SLC12A3: variants seen among roughly 807,000 people sequenced by gnomAD.
SLC12A3 encodes solute carrier family 12 member 3.
In SLC12A3, 104 loss-of-function variants were observed where a neutral mutation model predicts 121.0. The observed-to-expected ratio is 0.86, with a 90% CI of 0.73 to 1.01. SLC12A3 has a LOEUF of 1.01. Among genes scored for constraint, SLC12A3 ranks in the 50% least tolerant of loss-of-function variants. The pLI, the probability that SLC12A3 is intolerant of heterozygous loss-of-function variation, is 0.00. For missense variants in SLC12A3, 1,328 were observed against 1,356.3 expected, an observed-to-expected ratio of 0.98 and a Z score of 0.33; for synonymous variants, 536 against 533.4, an observed-to-expected ratio of 1.00 and a Z score of -0.07.
chr16:56,880,295 C>T, intron 12 of SLC12A3, 42 bp downstream of exon 12: 1 of 1,550,392 alleles, frequency 6.4e-7, no homozygotes, highest in Non-Finnish European at 8.7e-7. Flanking sequence ...CCTCCTGTTC[C>T]CCTGGCCGGC....
At chr16:56,878,020 G>GTCCCTCCCCCCCTCTCTCCC in intron 8 of SLC12A3, 57 bp from the exon 9 acceptor site, 1 of 598,946 alleles carries the variant, frequency 1.7e-6, no homozygotes, top group Non-Finnish European at 2.5e-6. Context: ...AATGTCCTCC[G>GTCCCTCCCCCCCTCTCTCCC]TCCCTCCCTC....
chr16:56,873,703 A>ATTTTTT lies in SLC12A3; in HGVS notation c.1095+921_1095+922insTTTTTT, dbSNP rs1311077344. Among the ~76,000 whole-genome samples, 3 of 99,054 alleles carry ATTTTTT rather than the reference A, an allele frequency of 3.0e-5. 1 individual carries two copies. The highest frequency in any genetic ancestry group is 1.1e-4 in the African/African-American group (3 of 28,032). The allele number at this position is 99,054 out of a possible 152,430, so 65.0% of individuals were successfully genotyped here. ...ATGCCTAGCCTCTTTTATTTATTTT[A>ATTTTTT]TTTTATTTTTTTTTTTTTGAGATGA... On this transcript the variant is annotated intron_variant, in intron 8 of 25. Coordinates refer to ENST00000563236, the MANE Select transcript of SLC12A3 (RefSeq NM_001126108.2).
At chr16:56,907,989 T>G (rs975210622) in intron 25 of SLC12A3, among the ~76,000 whole-genome samples, 1 of 152,112 alleles carries the variant, frequency 6.6e-6, no homozygotes, top group Non-Finnish European at 1.5e-5. Context: ...GTGCAAACCC[T>G]TCTTAGCAGA....
At chr16:56,882,372 C>T in intron 12 of SLC12A3, 24 bp from the exon 13 acceptor site, 3 of 1,597,040 alleles carry the variant, frequency 1.9e-6, no homozygotes, top group Non-Finnish European at 2.6e-6. Flanking sequence ...ACAGGCTGTC[C>T]TCTCTCTCCC....
chr16:56,904,295 C>A, intron 24 of SLC12A3, 100 bp from the exon 25 acceptor site: 1 of 1,114,878 alleles, frequency 9.0e-7, no homozygotes, highest in Non-Finnish European at 1.4e-6. Flanking sequence ...ACAAGTAAAT[C>A]ATGAATCCAG....
intron 8 of SLC12A3, among the ~76,000 whole-genome samples, chr16:56,877,650 G>C (rs563170155): frequency 6.6e-6 from 1 of 152,302 alleles, no homozygotes; most frequent in Non-Finnish European, 1.5e-5. Flanking sequence ...CGGGGTGTGA[G>C]AGCACAGCCC....
intron 16 of SLC12A3, 148 bp from the exon 17 acceptor site, chr16:56,886,805 C>T: frequency 1.9e-6 from 2 of 1,052,578 alleles, no homozygotes; most frequent in East Asian, 5.2e-5. Flanking sequence ...CTCCCCCACT[C>T]CTTGTGTTTT....
chr16:56,883,444 C>T (rs1381756592), intron 13 of SLC12A3, among the ~76,000 whole-genome samples: 1 of 151,918 alleles, frequency 6.6e-6, no homozygotes, highest in Non-Finnish European at 1.5e-5. Flanking sequence ...CCACGCCCAG[C>T]TAATTTTTTG....
rs1269639917 is a variant in SLC12A3 at position 56,890,319 on chromosome 16, G to A, written c.2331G>A (p.Arg777=). Residue 777 remains arginine, a synonymous_variant, in exon 19 of 26, where the codon CGG becomes CGA. Coordinates refer to ENST00000563236, the MANE Select transcript of SLC12A3 (RefSeq NM_001126108.2). ...FNYGVCVMRM[R]EGLNVSKMMQ... ...ATGGCGTGTGTGTCATGAGGATGCG[G>A]GAGGGACTCAACGTGTCCAAGATGA... is the stretch of plus-strand genomic sequence containing the variant. The A allele has an allele frequency of 1.2e-6, 2 of 1,614,038 alleles. No individual in the cohort carries two copies. The highest frequency in any genetic ancestry group is 1.7e-6 in the Non-Finnish European group (2 of 1,180,020).
chr16:56,879,654 G>A lies in SLC12A3; in HGVS notation c.1443+5G>A. On this transcript the variant is annotated splice_donor_5th_base_variant and intron_variant, in intron 11 of 25. Coordinates refer to ENST00000563236, the MANE Select transcript of SLC12A3 (RefSeq NM_001126108.2). ...TCTGCTGCCAAAGTCTTCCAGGTGA[G>A]GCCGCAGAAAGGGGTCGAGATGACA... 6.2e-7 allele frequency: 1 copy of A among 1,609,254 alleles called. No homozygotes were observed. The highest frequency in any genetic ancestry group is 8.5e-7 in the Non-Finnish European group (1 of 1,177,008).
chr16:56,884,858 C>G (rs1312631994), intron 14 of SLC12A3, among the ~76,000 whole-genome samples: 1 of 152,080 alleles, frequency 6.6e-6, no homozygotes, highest in Non-Finnish European at 1.5e-5. Flanking sequence ...CCTCCACCTC[C>G]CGGGTTCAAG....
chr16:56,877,251 C>A (rs1408050017), intron 8 of SLC12A3, among the ~76,000 whole-genome samples: 1 of 151,738 alleles, frequency 6.6e-6, no homozygotes, highest in Non-Finnish European at 1.5e-5. Context: ...AATTAGGGCG[C>A]CTATAGTGGT....
intron 22 of SLC12A3, among the ~76,000 whole-genome samples, chr16:56,896,995 G>A (rs935151143): frequency 2.0e-5 from 3 of 151,880 alleles, no homozygotes; most frequent in Non-Finnish European, 2.9e-5. Context: ...AGGAGGCTGA[G>A]ACAGGAGGAT....
At chr16:56,871,468 C>T (rs2055096366) in intron 6 of SLC12A3, among the ~76,000 whole-genome samples, 1 of 152,244 alleles carries the variant, frequency 6.6e-6, no homozygotes, top group African/African-American at 2.4e-5. Flanking sequence ...GCCGGACAGG[C>T]CCTACAGGCA....
chr16:56,900,292 G>T (rs1596946296), intron 23 of SLC12A3, among the ~76,000 whole-genome samples: 1 of 152,216 alleles, frequency 6.6e-6, no homozygotes, highest in South Asian at 2.1e-4. Flanking sequence ...CAGAGATGAG[G>T]AATCTGCAGC....
At chr16:56,875,439 T>G (rs1322427799) in intron 8 of SLC12A3, among the ~76,000 whole-genome samples, 1 of 152,130 alleles carries the variant, frequency 6.6e-6, no homozygotes, top group Non-Finnish European at 1.5e-5. Context: ...TCATTGTCAT[T>G]TTTACCATGA....
At chr16:56,893,346 G>T (rs2055416067) in intron 21 of SLC12A3, among the ~76,000 whole-genome samples, 1 of 152,226 alleles carries the variant, frequency 6.6e-6, no homozygotes, top group South Asian at 2.1e-4. Context: ...GCCCAGGAAA[G>T]CTGGAGGAAT....
At chr16:56,899,655 CTG>C in intron 23 of SLC12A3, 39 bp downstream of exon 23, 3 of 1,443,612 alleles carry the variant, frequency 2.1e-6, no homozygotes, top group South Asian at 1.1e-5. Context: ...GAAGGGCCAA[CTG>C]TGTGCCTGGA....
intron 17 of SLC12A3, 126 bp from the exon 18 acceptor site, chr16:56,887,799 T>TATA (rs1491296372): frequency 4.8e-3 from 221 of 46,496 alleles, no homozygotes; most frequent in East Asian, 0.043. Flanking sequence ...TATATATATA[T>TATA]TTTTTTTTTT....
Sources: gnomAD v4.1 joint callset for allele counts (sites outside exome capture counted in the v4.1 genomes callset) on GRCh38, gnomAD v4.1.1 for gene constraint, MANE v1.5 for transcripts, NCBI Gene and HGNC (gene_info 2026-07-23, HGNC 2026-07-21) for gene names.